Variants in CDHR3 observed in about 807,000 individuals in gnomAD.
CDHR3 encodes the protein cadherin-related family member 3.
Under a neutral mutation model 86.6 loss-of-function variants are expected in CDHR3, and 79 were observed. That is an observed-to-expected ratio of 0.91 (90% CI 0.76 to 1.10). CDHR3 has a LOEUF of 1.10. CDHR3 is among the 50% of genes least tolerant of loss of function. The pLI is 0.00. For synonymous variants in CDHR3, 421 were observed against 402.4 expected, an observed-to-expected ratio of 1.05 and a Z score of -0.55; for missense variants, 1,081 against 1,077.6, an observed-to-expected ratio of 1.00 and a Z score of -0.04.
At chr7:105,967,249 T>C (rs578074402) in intron 1 of CDHR3, among the ~76,000 whole-genome samples, 1 of 152,088 alleles carries the variant, frequency 6.6e-6, no homozygotes, top group East Asian at 1.9e-4. Flanking sequence ...AATGATGGTT[T>C]CCAGCTTCAT....
intron 9 of CDHR3, 39 bp downstream of exon 9, chr7:106,013,070 G>A (rs778510460): frequency 4.6e-6 from 7 of 1,528,162 alleles, no homozygotes; most frequent in Non-Finnish European, 6.2e-6. Context: ...AGGGCATCGG[G>A]AATTGGTCCA....
chr7:106,027,639 G>T (rs749308457), intron 16 of CDHR3: 3 of 452,740 alleles, frequency 6.6e-6, no homozygotes, highest in Non-Finnish European at 1.3e-5. Flanking sequence ...ACAGGACAAA[G>T]AATTGGACAG....
At chr7:106,012,288 G>C (rs1563284196) in intron 8 of CDHR3, among the ~76,000 whole-genome samples, 1 of 152,080 alleles carries the variant, frequency 6.6e-6, no homozygotes, top group African/African-American at 2.4e-5. Flanking sequence ...AGGGGAATAG[G>C]AGAGGAAGTA....
chr7:105,985,025 C>T lies in CDHR3; in HGVS notation c.513+736C>T, dbSNP rs542023864. Among the ~76,000 whole-genome samples the T allele has an allele frequency of 1.7e-3, 254 of 150,114 alleles. 1 individual carries two copies. The highest frequency in any genetic ancestry group is 5.9e-3 in the African/African-American group (241 of 40,770). Reference sequence around the variant, plus strand: ...AGTGAGCTATGATCACGTCACTACACTCCAGCCTGGGCAATAGAGCAAGAC... The same window carrying T: ...AGTGAGCTATGATCACGTCACTACATTCCAGCCTGGGCAATAGAGCAAGAC... On this transcript the variant is annotated intron_variant, in intron 4 of 18. Transcript: ENST00000317716.
At chr7:105,964,071 T>G (rs1447894750) in intron 1 of CDHR3, among the ~76,000 whole-genome samples, 1 of 152,128 alleles carries the variant, frequency 6.6e-6, no homozygotes, top group Non-Finnish European at 1.5e-5. Flanking sequence ...CTTAGAAGAG[T>G]GTCTGAGTAC....
chr7:105,968,308 T>G (rs907693737), intron 1 of CDHR3, among the ~76,000 whole-genome samples: 6 of 152,210 alleles, frequency 3.9e-5, no homozygotes, highest in Non-Finnish European at 8.8e-5. Flanking sequence ...CATTTGACAA[T>G]GCTTTATAGT....
At chr7:106,031,032 G>A (rs1838251584) in intron 18 of CDHR3, among the ~76,000 whole-genome samples, 192 bp downstream of exon 18, 1 of 152,186 alleles carries the variant, frequency 6.6e-6, no homozygotes, top group South Asian at 2.1e-4. Flanking sequence ...GCTAGCAGAT[G>A]CTCAAGTACA....
chr7:105,963,738 G>A (rs193807), intron 1 of CDHR3, among the ~76,000 whole-genome samples: 58,732 of 151,914 alleles, frequency 0.39, 12,673 homozygotes, highest in South Asian at 0.55. Context: ...CTGGAGGCTC[G>A]TAGGGCAACT....
Position 106,001,505 on chromosome 7 carries a change from A to G in CDHR3, c.757A>G (p.Thr253Ala). Residue 253 changes from threonine (T) to alanine (A), a missense_variant, in exon 7 of 19, where the codon ACC becomes GCC. Transcript: ENST00000317716. ...YTVLEELSPG[T>A]IVANITAEDP... Reference sequence around the variant, plus strand: ...AGTCCTGGAGGAACTGAGTCCAGGAACCATCGTGGCCAATATCACAGCGGA... The same window carrying G: ...AGTCCTGGAGGAACTGAGTCCAGGAGCCATCGTGGCCAATATCACAGCGGA... The G allele has an allele frequency of 6.2e-7, 1 of 1,614,040 alleles. No individual in the cohort carries two copies. Among genetic ancestry groups the G allele is most frequent in the Non-Finnish European group, 8.5e-7 (1 of 1,179,898 alleles).
Position 106,032,721 on chromosome 7 carries a change from C to A in CDHR3, c.*24C>A. Reference sequence around the variant, plus strand: ...AAACGGGGTCTAAGGAGGGGCCTGTCAATCACTGAGATGCTGCCTCACCCT... The same window carrying A: ...AAACGGGGTCTAAGGAGGGGCCTGTAAATCACTGAGATGCTGCCTCACCCT... On this transcript the variant is annotated 3_prime_UTR_variant, in exon 19 of 19. Transcript: ENST00000317716. 1 of 1,588,316 alleles carries A rather than the reference C, an allele frequency of 6.3e-7. No homozygotes were observed. The highest frequency in any genetic ancestry group is 1.1e-5 in the South Asian group (1 of 87,494).
chr7:105,994,926 C>A, intron 5 of CDHR3, 81 bp downstream of exon 5: 2 of 1,121,556 alleles, frequency 1.8e-6, no homozygotes, highest in Non-Finnish European at 2.6e-6. Context: ...ACAGTGCAAC[C>A]TGAGGGCAGC....
At chr7:106,003,926 C>T (rs77922018) in intron 7 of CDHR3, among the ~76,000 whole-genome samples, 2,738 of 125,054 alleles carry the variant, frequency 0.022, 88 homozygotes, top group African/African-American at 0.078. Context: ...TGGTTTTTTT[C>T]TGAGCATATT....
intron 12 of CDHR3, among the ~76,000 whole-genome samples, chr7:106,019,212 C>T (rs896461908): frequency 5.3e-5 from 8 of 152,132 alleles, no homozygotes; most frequent in South Asian, 2.1e-4. Context: ...TGCTTATCTC[C>T]GTGTCCATAT....
intron 12 of CDHR3, among the ~76,000 whole-genome samples, chr7:106,019,967 C>T (rs150792670): frequency 3.9e-5 from 6 of 152,252 alleles, no homozygotes; most frequent in South Asian, 2.1e-4. Context: ...ATGGAGACAC[C>T]GTAAATCCAC....
At chr7:105,996,675 C>T (rs894191030) in intron 6 of CDHR3, among the ~76,000 whole-genome samples, 4 of 152,124 alleles carry the variant, frequency 2.6e-5, no homozygotes, top group Non-Finnish European at 4.4e-5. Context: ...AATAAAGTGC[C>T]GCGCTTTAGT....
chr7:105,975,163 G>T (rs1828607030), intron 2 of CDHR3, 117 bp downstream of exon 2: 2 of 922,460 alleles, frequency 2.2e-6, no homozygotes, highest in African/African-American at 3.2e-5. Context: ...CTTCCCTCTT[G>T]TAAGGTCCAG....
chr7:105,990,554 G>A (rs779196269), intron 4 of CDHR3, among the ~76,000 whole-genome samples: 2 of 152,148 alleles, frequency 1.3e-5, no homozygotes, highest in Non-Finnish European at 2.9e-5. Flanking sequence ...GAGTGCTCTG[G>A]CCCTCTGGGG....
At chr7:106,014,438 A>G (rs917454964) in intron 9 of CDHR3, among the ~76,000 whole-genome samples, 1 of 152,234 alleles carries the variant, frequency 6.6e-6, no homozygotes, top group Admixed American at 6.5e-5. Flanking sequence ...AATAAAATAG[A>G]AAAAGTATAA....
chr7:106,022,233 G>A lies in CDHR3; in HGVS notation c.1861G>A (p.Ala621Thr). Reference protein sequence around the residue: ...VNNHFTFSPNAGSNVTRLLLT... With the variant: ...VNNHFTFSPNTGSNVTRLLLT... The stretch of plus-strand genomic sequence containing the variant: ...CAATCATTTCACCTTCTCTCCCAAT[G>A]CTGGTTCCAATGTCACACGCCTGCT... The change falls in exon 14 of 19, where the codon GCT becomes ACT. Residue 621 changes from alanine to threonine, a missense_variant. Transcript: ENST00000317716. 1.2e-6 allele frequency: 2 copies of A among 1,613,998 alleles called. No homozygotes were observed. The highest frequency in any genetic ancestry group is 2.2e-5 in the South Asian group (2 of 91,080).
Sources: allele counts gnomAD v4.1 joint callset (sites outside exome capture counted in the v4.1 genomes callset), GRCh38; gene constraint gnomAD v4.1.1; transcripts MANE v1.5; gene names NCBI Gene and HGNC (gene_info 2026-07-23, HGNC 2026-07-21).